The following AKT2 variants were observed in gnomAD, a reference collection of about 807,000 sequenced individuals.
The protein encoded by AKT2 is AKT serine/threonine kinase 2, also known as RAC-beta serine/threonine-protein kinase.
A neutral mutation model predicts 58.6 loss-of-function variants in AKT2; 16 were observed. The observed-to-expected ratio is 0.27, with a 90% CI of 0.18 to 0.41. AKT2 has a LOEUF of 0.41. Among genes scored for constraint, AKT2 ranks in the 10% least tolerant of loss-of-function variants. The pLI, the probability that AKT2 is intolerant of heterozygous loss-of-function variation, is 1.00. For missense variants in AKT2, 438 were observed against 661.0 expected (o/e 0.66, Z 3.70); for synonymous variants, 253 against 254.0 (o/e 1.00, Z 0.04).
rs928414218 is a variant in AKT2 at position 40,232,835 on chromosome 19, G to C, written c.*1037C>G. On this transcript the variant is annotated 3_prime_UTR_variant, in exon 14 of 14. Transcript: ENST00000392038. The stretch of plus-strand genomic sequence containing the variant: ...GACGTGCACTCATGTTCAACCTTAA[G>C]GCTGCAGAACGTGGGGCCCTGGGGA... 1 of 236,656 alleles carries C rather than the reference G, an allele frequency of 4.2e-6. No homozygotes were observed. The highest frequency in any genetic ancestry group is 2.2e-5 in the African/African-American group (1 of 45,492). The allele number at this position is 236,656 out of a possible 1,614,324, so 14.7% of individuals were successfully genotyped here. A position where few individuals can be genotyped will look rare whatever the true frequency, so the allele number is the denominator to read the frequency against.
chr19:40,265,382 G>T (rs906738619), intron 1 of AKT2, 31 bp from the exon 2 acceptor site: 3 of 1,538,380 alleles, frequency 2.0e-6, no homozygotes, highest in Non-Finnish European at 2.6e-6. Flanking sequence ...TGGTCAGGGC[G>T]GGAGGGGATT....
intron 6 of AKT2, chr19:40,241,533 T>C (rs1440531807): frequency 3.6e-6 from 1 of 278,986 alleles, no homozygotes; most frequent in Admixed American, 4.9e-5. Flanking sequence ...TTGAATGTCT[T>C]TGGAATCTTC....
chr19:40,272,979 T>C, intron 1 of AKT2, among the ~76,000 whole-genome samples: 1 of 152,092 alleles, frequency 6.6e-6, no homozygotes, highest in East Asian at 1.9e-4. Context: ...TATTGGAGGG[T>C]TCAGTGAGTT....
At position 40,285,207 on chromosome 19, in the gene AKT2, C is replaced by G. The variant is rs2077493645; in HGVS notation, c.-111G>C. The stretch of plus-strand genomic sequence containing the variant: ...TGTCACCGGCAGCCGCCCAGCCTCT[C>G]CGGCGGGGCTCTACCCCCGCCCATC... On this transcript the variant is annotated 5_prime_UTR_variant, in exon 1 of 14. Transcript: ENST00000392038. 7.6e-6 allele frequency: 3 copies of G among 395,036 alleles called. No individual in the cohort carries two copies. The highest frequency in any genetic ancestry group is 8.9e-5 in the Admixed American group (2 of 22,574). 24.5% of individuals were successfully genotyped at this position (395,036 alleles called of 1,614,324 possible).
intron 4 of AKT2, among the ~76,000 whole-genome samples, chr19:40,251,609 G>T (rs184311573): frequency 8.6e-5 from 13 of 151,896 alleles, no homozygotes; most frequent in African/African-American, 2.7e-4. Context: ...AAAGACAAAG[G>T]GCTGAACTAG....
chr19:40,275,170 T>A (rs2077289246), intron 1 of AKT2: 1 of 456,720 alleles, frequency 2.2e-6, no homozygotes, highest in Non-Finnish European at 4.4e-6. Context: ...CTGAGCTGCC[T>A]CCACCTCCTT....
At chr19:40,241,656 C>G (rs901416009) in intron 6 of AKT2, 1 of 474,106 alleles carries the variant, frequency 2.1e-6, no homozygotes, top group African/African-American at 2.0e-5. Context: ...TCCTCCCCAA[C>G]AGGCCCCAGC....
intron 1 of AKT2, among the ~76,000 whole-genome samples, chr19:40,276,330 T>A (rs74632307): frequency 7.3e-6 from 1 of 136,408 alleles, no homozygotes; most frequent in Non-Finnish European, 1.6e-5. Flanking sequence ...AGCTTCCGCA[T>A]CTGTAAAATG....
At chr19:40,254,824 G>C (rs897419252) in intron 4 of AKT2, among the ~76,000 whole-genome samples, 2 of 151,302 alleles carry the variant, frequency 1.3e-5, no homozygotes, top group Non-Finnish European at 2.9e-5. Flanking sequence ...CAATAAGAGC[G>C]AAACTCCATT....
At position 40,285,279 on chromosome 19, in the gene AKT2, ACGGCGCCGGCAGCGGCAGCGGCGG is replaced by A. The variant is rs2145449123; in HGVS notation, c.-207_-184del. On this transcript the variant is annotated 5_prime_UTR_variant, in exon 1 of 14. Coordinates refer to ENST00000392038, the MANE Select transcript of AKT2 (RefSeq NM_001626.6). Reference sequence around the variant, plus strand: ...TTCCTTGTGTTTCCCGGCAGCGGCAACGGCGCCGGCAGCGGCAGCGGCGGCGGCGACGCCTCCTCCGAGGCAGGC... The same window carrying A: ...TTCCTTGTGTTTCCCGGCAGCGGCAACGGCGACGCCTCCTCCGAGGCAGGC... 1.0e-5 allele frequency: 4 copies of A among 394,846 alleles called. No homozygotes were observed. The highest frequency in any genetic ancestry group is 4.4e-5 in the Admixed American group (1 of 22,514). The allele number at this position is 394,846 out of a possible 1,614,324, so 24.5% of individuals were successfully genotyped here.
Position 40,255,225 on chromosome 19 carries a change from C to A in AKT2, c.220G>T (p.Val74Phe), listed in dbSNP as rs754309980. The change falls in exon 4 of 14, where the codon GTC becomes TTC. Residue 74 changes from valine (V) to phenylalanine (F), a missense_variant. By Grantham distance (50) the Val-to-Phe change is conservative. Transcript: ENST00000392038. ...KTERPRPNTFVIRCLQWTTVI... is the reference protein window; with the variant it reads ...KTERPRPNTFFIRCLQWTTVI... ...GTGGTCCACTGCAGGCAGCGTATGA[C>A]AAAGGTGTTGGGTCGCGGCCTCTCG... 2 of 1,614,148 alleles carry A rather than the reference C, an allele frequency of 1.2e-6. No homozygotes were observed. Among genetic ancestry groups the A allele is most frequent in the Admixed American group, 1.7e-5 (1 of 60,022 alleles).
At chr19:40,247,774 A>T (rs1183664076) in intron 4 of AKT2, among the ~76,000 whole-genome samples, 1 of 152,176 alleles carries the variant, frequency 6.6e-6, no homozygotes, top group Non-Finnish European at 1.5e-5. Flanking sequence ...CCTGTGTAGT[A>T]GGTACTGCCA....
chr19:40,264,480 T>G (rs959114971), intron 2 of AKT2, among the ~76,000 whole-genome samples: 1 of 152,146 alleles, frequency 6.6e-6, no homozygotes, highest in Non-Finnish European at 1.5e-5. Flanking sequence ...TTCCATGACC[T>G]GCAGGCGCGA....
chr19:40,248,859 AGG>A, intron 4 of AKT2, among the ~76,000 whole-genome samples: 1 of 144,128 alleles, frequency 6.9e-6, no homozygotes, highest in Non-Finnish European at 1.5e-5. Flanking sequence ...AGATGAGGAC[AGG>A]GAGGAGTGGA....
intron 9 of AKT2, chr19:40,236,972 C>T (rs1974072823): frequency 5.6e-6 from 1 of 178,666 alleles, no homozygotes; most frequent in Non-Finnish European, 1.2e-5. Flanking sequence ...GTGTGCCCCT[C>T]CCGGTTACTG....
intron 1 of AKT2, among the ~76,000 whole-genome samples, chr19:40,280,006 G>T (rs528448693): frequency 2.6e-4 from 39 of 152,246 alleles, no homozygotes; most frequent in African/African-American, 8.7e-4. Flanking sequence ...AGCTATAGTG[G>T]AGAAACATGC....
chr19:40,230,510 C>G lies in AKT2; in HGVS notation c.*3362G>C, dbSNP rs1973650391. On this transcript the variant is annotated 3_prime_UTR_variant, in exon 14 of 14. Coordinates refer to ENST00000392038, the MANE Select transcript of AKT2 (RefSeq NM_001626.6). ...ACTGCCGCCCCCGACTCCACACAACCATCAGTGCACGAGGGCAGCCCCCAG... is the reference window on the plus strand; with the variant it reads ...ACTGCCGCCCCCGACTCCACACAACGATCAGTGCACGAGGGCAGCCCCCAG... The G allele has an allele frequency of 4.4e-6, 1 of 227,542 alleles. No homozygotes were observed. The highest frequency in any genetic ancestry group is 2.2e-5 in the African/African-American group (1 of 44,992). The allele number at this position is 227,542 out of a possible 1,614,324, so 14.1% of individuals were successfully genotyped here.
At chr19:40,246,573 T>A (rs1208916423) in intron 4 of AKT2, among the ~76,000 whole-genome samples, 1 of 152,174 alleles carries the variant, frequency 6.6e-6, no homozygotes, top group Non-Finnish European at 1.5e-5. Flanking sequence ...GGAAAATATG[T>A]CTCTCATATA....
intron 6 of AKT2, among the ~76,000 whole-genome samples, chr19:40,240,560 T>C (rs1974337131): frequency 6.6e-6 from 1 of 152,176 alleles, no homozygotes; most frequent in African/African-American, 2.4e-5. Flanking sequence ...TCCTGGGACC[T>C]ACCCCCAGGC....
Sources: gnomAD v4.1 joint callset for allele counts (sites outside exome capture counted in the v4.1 genomes callset) on GRCh38, gnomAD v4.1.1 for gene constraint, MANE v1.5 for transcripts, NCBI Gene and HGNC (gene_info 2026-07-23, HGNC 2026-07-21) for gene names.